NOL4L: variants seen among roughly 807,000 people sequenced by gnomAD.
NOL4L encodes the protein nucleolar protein 4-like.
In NOL4L, 7 loss-of-function variants were observed where a neutral mutation model predicts 64.5. That is an observed-to-expected ratio of 0.11 (90% CI 0.06 to 0.20). The LOEUF is 0.20. NOL4L is among the 10% of genes least tolerant of loss of function. The pLI is 1.00. For synonymous variants in NOL4L, 413 were observed against 401.0 expected (o/e 1.03, Z -0.36); for missense variants, 680 against 967.1 (o/e 0.70, Z 3.94).
intron 4 of NOL4L, among the ~76,000 whole-genome samples, chr20:32,475,830 T>A (rs898217997): frequency 9.9e-5 from 15 of 152,110 alleles, no homozygotes; most frequent in African/African-American, 3.6e-4. Flanking sequence ...GGTTGGAACT[T>A]TCTTAGACTG....
chr20:32,502,883 C>T (rs1002121360), intron 4 of NOL4L, among the ~76,000 whole-genome samples: 2 of 152,116 alleles, frequency 1.3e-5, no homozygotes, highest in Non-Finnish European at 2.9e-5. Context: ...GCACTCCAGC[C>T]TGGGCAGCAA....
In NOL4L at chr20:32,568,505, T is replaced by G. The variant is rs1979571238; in HGVS notation, c.321+16065A>C. ...ACTCCAGTCTCTGCTCTGCACACAC[T>G]GGACCAGACTCACTCCCTAAACACC... On this transcript the variant is annotated intron_variant, in intron 1 of 10. Transcript: ENST00000621426. Among the ~76,000 whole-genome samples the G allele has an allele frequency of 4.6e-5, 7 of 151,996 alleles. No homozygotes were observed. In the South Asian group the frequency reaches 1.5e-3, roughly 32 times the overall value.
intron 1 of NOL4L, among the ~76,000 whole-genome samples, chr20:32,574,508 G>A (rs905820938): frequency 2.6e-5 from 4 of 152,140 alleles, no homozygotes; most frequent in African/African-American, 9.7e-5. Flanking sequence ...AGGGGCTCTC[G>A]GAAACACCCC....
intron 5 of NOL4L, among the ~76,000 whole-genome samples, chr20:32,458,655 TCA>T (rs1262794111): frequency 6.6e-6 from 1 of 152,212 alleles, no homozygotes; most frequent in East Asian, 1.9e-4. Flanking sequence ...GACACCACCC[TCA>T]CAGGCCACTT....
chr20:32,453,520 G>A lies in NOL4L; in HGVS notation c.1306-25C>T, dbSNP rs755152539. The A allele has an allele frequency of 1.2e-6, 2 of 1,613,218 alleles. No homozygotes were observed. Among genetic ancestry groups the A allele is most frequent in the African/African-American group, 2.7e-5 (2 of 74,914 alleles). ...TCTGTGGAGACACGGGCCATGGGAAGGGCTGGCCCTGGCCTTGCCCCCATC... is the reference window on the plus strand; with the variant it reads ...TCTGTGGAGACACGGGCCATGGGAAAGGCTGGCCCTGGCCTTGCCCCCATC... On this transcript the variant is annotated intron_variant, in intron 7 of 10. Coordinates refer to ENST00000621426, the MANE Select transcript of NOL4L (RefSeq NM_001256798.2). This position sits in a 1 kb window ranked among gnomAD's most constrained non-coding sequence, Gnocchi z 5.6.
intron 5 of NOL4L, among the ~76,000 whole-genome samples, chr20:32,461,519 T>C (rs2145448797): frequency 6.8e-6 from 1 of 147,018 alleles, no homozygotes; most frequent in Non-Finnish European, 1.5e-5. Context: ...GCCTCCCGGG[T>C]TCATGCCATT....
At chr20:32,485,087 A>C (rs13044254) in intron 4 of NOL4L, among the ~76,000 whole-genome samples, 15 of 137,788 alleles carry the variant, frequency 1.1e-4, no homozygotes, top group African/African-American at 2.7e-4. Context: ...AAAAAAAAAA[A>C]CAACTAAAAA....
chr20:32,489,114 T>C (rs2016349778), intron 4 of NOL4L, among the ~76,000 whole-genome samples: 1 of 147,956 alleles, frequency 6.8e-6, no homozygotes, highest in African/African-American at 2.6e-5. Flanking sequence ...TTTACATTTT[T>C]ATATCATCTG....
rs552787821 is a variant in NOL4L, at chr20:32,456,255, C to T, written c.982G>A (p.Ala328Thr). Residue 328 changes from alanine to threonine, a missense_variant, in exon 6 of 11, where the codon GCC becomes ACC. Ala to Thr is a moderately conservative substitution (Grantham distance 58, BLOSUM62 0). Coordinates refer to ENST00000621426, the MANE Select transcript of NOL4L (RefSeq NM_001256798.2). ...CACAGGTTGATGGGCTGATCCTCGG[C>T]GGCCGTGGTGAAGTCCATGGGGGCC... ...AVAPMDFTTA[A>T]EDQPINLCDK... is the part of the protein sequence containing the mutation. 51 of 1,604,958 alleles carry T rather than the reference C, an allele frequency of 3.2e-5. No individual in the cohort carries two copies. The highest frequency in any genetic ancestry group is 2.5e-4 in the African/African-American group (19 of 74,646).
At chr20:32,558,426 G>T (rs897266079) in intron 1 of NOL4L, among the ~76,000 whole-genome samples, 3 of 152,218 alleles carry the variant, frequency 2.0e-5, no homozygotes, top group Non-Finnish European at 4.4e-5. Context: ...GTGTGTGTAG[G>T]GGGGCAAGCT....
In NOL4L at chr20:32,464,707, G is replaced by T. The variant is rs1472359997; in HGVS notation, c.842-8312C>A. On this transcript the variant is annotated intron_variant, in intron 5 of 10. Coordinates refer to ENST00000621426, the MANE Select transcript of NOL4L (RefSeq NM_001256798.2). The surrounding 1 kb of genome is among the most constrained non-coding windows in gnomAD (Gnocchi z 5.6). ...GGAGCAGCACTGTCCGACAGAAACA[G>T]AGTGGGAGCCGCATGAGGGATTTGA... 1.5e-5 allele frequency: 4 copies of T among 265,188 alleles called. No homozygotes were observed. The highest frequency in any genetic ancestry group is 2.8e-5 in the Non-Finnish European group (4 of 141,756). 16.4% of individuals were successfully genotyped at this position (265,188 alleles called of 1,614,324 possible).
At chr20:32,522,046 TCTC>T (rs1267526811) in intron 2 of NOL4L, among the ~76,000 whole-genome samples, 3 of 152,166 alleles carry the variant, frequency 2.0e-5, no homozygotes, top group African/African-American at 7.2e-5. Context: ...CGAATGTCCT[TCTC>T]CATCTCTGTG....
chr20:32,474,973 T>C lies in NOL4L; in HGVS notation c.700-231A>G, dbSNP rs549282422. ...GGCTAAGGGCCGGCACTGTCTGTAA[T>C]TGAAGACAATTATGAGGTCTCGCAT... On this transcript the variant is annotated intron_variant, in intron 4 of 10. Coordinates refer to ENST00000621426, the MANE Select transcript of NOL4L (RefSeq NM_001256798.2). 380 of 985,270 alleles carry C rather than the reference T, an allele frequency of 3.9e-4. 1 individual carries two copies. Among genetic ancestry groups the C allele is most frequent in the Non-Finnish European group, 4.4e-4 (364 of 829,868 alleles). 61.0% of individuals were successfully genotyped at this position (985,270 alleles called of 1,614,324 possible).
rs746294185 is a variant in NOL4L at position 32,453,051 on chromosome 20, C to T, written c.1498-45G>A. ...GGAGCTAGCATGGGGCCCGTGGGGGCCCTGGGCTTGTGCAGAGACCCTGCC... is the reference window on the plus strand; with the variant it reads ...GGAGCTAGCATGGGGCCCGTGGGGGTCCTGGGCTTGTGCAGAGACCCTGCC... On this transcript the variant is annotated intron_variant, in intron 8 of 10. Transcript: ENST00000621426. The surrounding 1 kb of genome is among the most constrained non-coding windows in gnomAD (Gnocchi z 5.6). 1.4e-5 allele frequency: 22 copies of T among 1,607,398 alleles called. No individual in the cohort carries two copies. The highest frequency in any genetic ancestry group is 3.5e-4 in the Middle Eastern group (2 of 5,796).
chr20:32,515,878 C>T (rs193118022), intron 3 of NOL4L, among the ~76,000 whole-genome samples: 5 of 152,346 alleles, frequency 3.3e-5, no homozygotes, highest in Non-Finnish European at 7.3e-5. Flanking sequence ...AGAGATCTTT[C>T]AACATCTCTT....
At chr20:32,480,023 C>T (rs998223287) in intron 4 of NOL4L, among the ~76,000 whole-genome samples, 1 of 152,140 alleles carries the variant, frequency 6.6e-6, no homozygotes, top group Non-Finnish European at 1.5e-5. Context: ...GAGGAGAAAA[C>T]GGGAGACCAG....
intron 4 of NOL4L, among the ~76,000 whole-genome samples, chr20:32,494,268 A>C (rs1210036437): frequency 8.4e-5 from 12 of 142,330 alleles, no homozygotes; most frequent in African/African-American, 2.2e-4. Context: ...AAAAAAAAAA[A>C]AAAAAAAAAA....
chr20:32,527,011 C>T (rs1173821151), intron 2 of NOL4L, among the ~76,000 whole-genome samples: 1 of 152,140 alleles, frequency 6.6e-6, no homozygotes, highest in Non-Finnish European at 1.5e-5. Context: ...ATTTGTGATG[C>T]TTCCTGCCCC....
chr20:32,512,953 A>G (rs534792270), intron 3 of NOL4L, among the ~76,000 whole-genome samples: 1 of 152,264 alleles, frequency 6.6e-6, no homozygotes, highest in Non-Finnish European at 1.5e-5. Context: ...AGAAATTAAA[A>G]GGTAGGGACA....
Sources: allele counts gnomAD v4.1 joint callset (sites outside exome capture counted in the v4.1 genomes callset), GRCh38; gene constraint gnomAD v4.1.1; non-coding constraint Gnocchi (gnomAD v3.1); transcripts MANE v1.5; gene names NCBI Gene and HGNC (gene_info 2026-07-23, HGNC 2026-07-21).